The following PRKG1 variants were observed in gnomAD, a reference collection of about 807,000 sequenced individuals.
The protein encoded by PRKG1 is protein kinase cGMP-dependent 1.
A neutral mutation model predicts 88.1 loss-of-function variants in PRKG1; 35 were observed. The observed-to-expected ratio is 0.40, with a 90% confidence interval of 0.30 to 0.53. The LOEUF (loss-of-function observed/expected upper bound fraction) is 0.53. Among genes scored for constraint, PRKG1 ranks in the 20% least tolerant of loss-of-function variants. PRKG1 has a pLI of 0.59. For synonymous variants in PRKG1, 303 were observed against 292.5 expected (o/e 1.04, Z -0.37); for missense variants, 540 against 839.8 (o/e 0.64, Z 4.41).
Position 52,062,663 on chromosome 10 carries a change from T to C in PRKG1, c.935+32T>C, listed in dbSNP as rs1489931364. ...AGATCATGTGTTATACAGGTTTTTG[T>C]TTGAGTGCTACATAAATTTCTGTCT... On this transcript the variant is annotated intron_variant, in intron 7 of 17. Transcript: ENST00000373980. 4 of 1,500,846 alleles carry C rather than the reference T, an allele frequency of 2.7e-6. No homozygotes were observed. In the African/African-American group the frequency reaches 4.2e-5, roughly 16 times the overall value. The allele number at this position is 1,500,846 out of a possible 1,614,324, so 93.0% of individuals were successfully genotyped here.
intron 8 of PRKG1, among the ~76,000 whole-genome samples, chr10:52,143,090 G>A (rs1430342709): frequency 6.6e-6 from 1 of 152,140 alleles, no homozygotes; most frequent in Non-Finnish European, 1.5e-5. Flanking sequence ...GGAATAATAA[G>A]GGATTACCAA....
intron 8 of PRKG1, among the ~76,000 whole-genome samples, chr10:52,154,076 G>A (rs2879646): frequency 0.3 from 45,611 of 151,778 alleles, 7,025 homozygotes; most frequent in East Asian, 0.4. Flanking sequence ...AATGGAACAA[G>A]TGATGTTCTA....
intron 5 of PRKG1, among the ~76,000 whole-genome samples, chr10:51,988,671 C>A (rs570080860): frequency 2.0e-5 from 3 of 151,940 alleles, no homozygotes; most frequent in Non-Finnish European, 4.4e-5. Context: ...TATGCATATC[C>A]TTTATACCTT....
intron 10 of PRKG1, among the ~76,000 whole-genome samples, chr10:52,270,351 C>T (rs919589254): frequency 3.3e-5 from 5 of 152,098 alleles, no homozygotes; most frequent in Admixed American, 2.6e-4. Context: ...ACCATTTGAC[C>T]CAGCCATCCC....
Position 51,750,344 on chromosome 10 carries a change from G to T in PRKG1, c.593-54241G>T, listed in dbSNP as rs554966428. On this transcript the variant is annotated intron_variant, in intron 3 of 17. Coordinates refer to ENST00000373980, the MANE Select transcript of PRKG1 (RefSeq NM_006258.4). ...TTATCAATTTGAGTATTTTTTGCAT[G>T]TGGACATAAGAAATCACTAACAGAC... 7.9e-5 allele frequency among the ~76,000 whole-genome samples: 12 copies of T among 152,230 alleles called. No individual in the cohort carries two copies. In the South Asian group the frequency reaches 2.5e-3, roughly 32 times the overall value.
chr10:51,221,913 C>G (rs1298307777), intron 2 of PRKG1, among the ~76,000 whole-genome samples: 6 of 132,810 alleles, frequency 4.5e-5, no homozygotes. Context: ...TTTCACTCGT[C>G]GCCCAGGCTG....
At chr10:51,048,875 T>C (rs993473710) in intron 1 of PRKG1, among the ~76,000 whole-genome samples, 1 of 151,806 alleles carries the variant, frequency 6.6e-6, no homozygotes, top group Non-Finnish European at 1.5e-5. Flanking sequence ...TCTAAACAAG[T>C]CTGTAATGCT....
intron 3 of PRKG1, among the ~76,000 whole-genome samples, chr10:51,645,535 T>A (rs1443865708): frequency 2.0e-5 from 3 of 152,232 alleles, no homozygotes; most frequent in Non-Finnish European, 4.4e-5. Context: ...CACTGGTGAA[T>A]TAGTCACCAT....
intron 2 of PRKG1, among the ~76,000 whole-genome samples, chr10:51,291,512 G>A (rs941680571): frequency 6.6e-6 from 1 of 152,106 alleles, no homozygotes; most frequent in Non-Finnish European, 1.5e-5. Context: ...CAAAGTTCTG[G>A]TCTGAGTCTC....
chr10:51,714,639 C>T (rs1390409098), intron 3 of PRKG1, among the ~76,000 whole-genome samples: 2 of 152,080 alleles, frequency 1.3e-5, no homozygotes, highest in Non-Finnish European at 2.9e-5. Flanking sequence ...ACCAGCCATT[C>T]CAGAGAATGT....
rs529039466 is a variant in PRKG1 at position 52,283,516 on chromosome 10, A to G, written c.1709+1200A>G. Reference sequence around the variant, plus strand: ...AGCAGCTGCTACTACTACAACAACGACAGTCATTGCCAGAAATAGTTGTGT... The same window carrying G: ...AGCAGCTGCTACTACTACAACAACGGCAGTCATTGCCAGAAATAGTTGTGT... On this transcript the variant is annotated intron_variant, in intron 14 of 17. Transcript: ENST00000373980. 3.9e-5 allele frequency among the ~76,000 whole-genome samples: 6 copies of G among 152,198 alleles called. No homozygotes were observed. The East Asian group carries it at 1.2e-3, about 29-fold the overall frequency.
chr10:51,049,242 G>A (rs1009930425), intron 1 of PRKG1, among the ~76,000 whole-genome samples: 1 of 152,084 alleles, frequency 6.6e-6, no homozygotes, highest in African/African-American at 2.4e-5. Flanking sequence ...TGCCTAGGAA[G>A]AGAGAGACTT....
intron 5 of PRKG1, among the ~76,000 whole-genome samples, chr10:51,947,271 T>G (rs145978349): frequency 6.6e-6 from 1 of 152,044 alleles, no homozygotes; most frequent in Non-Finnish European, 1.5e-5. Flanking sequence ...CGGAGCCAGG[T>G]GTGGGATATA....
intron 4 of PRKG1, among the ~76,000 whole-genome samples, chr10:51,838,411 G>T (rs1358292435): frequency 1.3e-5 from 2 of 152,076 alleles, no homozygotes; most frequent in Non-Finnish European, 2.9e-5. Context: ...ATAGAGAAAA[G>T]GGCAGAAAAT....
chr10:52,051,814 G>T (rs1845993582), intron 5 of PRKG1, among the ~76,000 whole-genome samples: 1 of 152,176 alleles, frequency 6.6e-6, no homozygotes, highest in African/African-American at 2.4e-5. Flanking sequence ...AAGAAGAGAA[G>T]TTGGGATGAG....
At chr10:51,403,237 C>T (rs750238922) in intron 2 of PRKG1, among the ~76,000 whole-genome samples, 6 of 152,084 alleles carry the variant, frequency 3.9e-5, no homozygotes, top group Non-Finnish European at 7.4e-5. Flanking sequence ...AGATGATTTG[C>T]AAAGTTAAAT....
At chr10:51,554,922 G>A (rs1055833346) in intron 3 of PRKG1, among the ~76,000 whole-genome samples, 1 of 151,736 alleles carries the variant, frequency 6.6e-6, no homozygotes. Context: ...TAACTGTTAA[G>A]GGCAGTGTAA....
intron 3 of PRKG1, among the ~76,000 whole-genome samples, chr10:51,513,022 G>T (rs567971935): frequency 6.7e-6 from 1 of 149,362 alleles, no homozygotes. Context: ...CATGTCCTTC[G>T]CCCACTTTTT....
chr10:52,109,430 T>C (rs887874784), intron 7 of PRKG1, among the ~76,000 whole-genome samples: 8 of 152,214 alleles, frequency 5.3e-5, no homozygotes, highest in African/African-American at 1.7e-4. Context: ...TTCTCTTAAC[T>C]GGTCAAAGAA....
Sources: allele counts gnomAD v4.1 joint callset (sites outside exome capture counted in the v4.1 genomes callset), GRCh38; gene constraint gnomAD v4.1.1; transcripts MANE v1.5; gene names NCBI Gene and HGNC (gene_info 2026-07-23, HGNC 2026-07-21).